The following TAB2 variants were observed in gnomAD, a reference collection of about 807,000 sequenced individuals.
TAB2 encodes the protein TGF-beta-activated kinase 1 and MAP3K7-binding protein 2.
Under a neutral mutation model 65.0 loss-of-function variants are expected in TAB2, and 3 were observed. The ratio of observed to expected loss-of-function variants is 0.05; its 90% CI spans 0.02 to 0.12. The LOEUF (loss-of-function observed/expected upper bound fraction) is 0.12. TAB2 is among the 10% of genes least tolerant of loss of function. The pLI is 1.00. For missense variants in TAB2, 623 were observed against 840.3 expected, an observed-to-expected ratio of 0.74 and a Z score of 3.20; for synonymous variants, 298 against 285.1, an observed-to-expected ratio of 1.05 and a Z score of -0.46.
At chr6:149,356,234 G>C (rs1780650191) in intron 1 of TAB2, among the ~76,000 whole-genome samples, 1 of 152,142 alleles carries the variant, frequency 6.6e-6, no homozygotes, top group Non-Finnish European at 1.5e-5. Context: ...AGAAAACTTA[G>C]TATGGCCTTA....
intron 1 of TAB2, among the ~76,000 whole-genome samples, chr6:149,293,967 T>A (rs1265610708): frequency 6.6e-6 from 1 of 152,060 alleles, no homozygotes; most frequent in African/African-American, 2.4e-5. Flanking sequence ...AAAGTTATTT[T>A]CCCTGAAAAA....
chr6:149,296,995 A>G (rs1279154812), intron 1 of TAB2, among the ~76,000 whole-genome samples: 1 of 152,162 alleles, frequency 6.6e-6, no homozygotes, highest in African/African-American at 2.4e-5. Flanking sequence ...AAATCTAGAT[A>G]TTCTTTACTT....
At chr6:149,227,500 C>T (rs764075499) in intron 1 of TAB2, among the ~76,000 whole-genome samples, 2 of 151,690 alleles carry the variant, frequency 1.3e-5, no homozygotes, top group African/African-American at 4.9e-5. Flanking sequence ...CAAATGCCCA[C>T]GATGCCAGGC....
chr6:149,322,880 A>G (rs1779499735), intron 1 of TAB2, among the ~76,000 whole-genome samples: 1 of 152,176 alleles, frequency 6.6e-6, no homozygotes, highest in Non-Finnish European at 1.5e-5. Context: ...TTGCAAAGAT[A>G]AAATAACTCA....
chr6:149,399,975 G>A (rs1782316044), intron 6 of TAB2, among the ~76,000 whole-genome samples: 1 of 152,212 alleles, frequency 6.6e-6, no homozygotes. Context: ...ACTTAAAATA[G>A]AAGAGTATAA....
intron 1 of TAB2, among the ~76,000 whole-genome samples, chr6:149,309,879 T>TGTGG (rs894623084): frequency 9.1e-6 from 1 of 109,988 alleles, no homozygotes; most frequent in Non-Finnish European, 1.8e-5. Flanking sequence ...TGTGTGTGGG[T>TGTGG]GTGGGTGTGT....
chr6:149,313,235 C>A (rs1447576647), upstream of TAB2, among the ~76,000 whole-genome samples: 1 of 151,974 alleles, frequency 6.6e-6, no homozygotes, highest in Admixed American at 6.6e-5. Flanking sequence ...GCAATCATGG[C>A]TCACTGCAGC....
chr6:149,264,077 C>A (rs1367815865), intron 1 of TAB2, among the ~76,000 whole-genome samples: 1 of 152,218 alleles, frequency 6.6e-6, no homozygotes, highest in Non-Finnish European at 1.5e-5. Flanking sequence ...AGGCAGGCCG[C>A]TGTAGGTTGT....
intron 1 of TAB2, among the ~76,000 whole-genome samples, chr6:149,367,399 C>T (rs928057473): frequency 2.0e-5 from 3 of 152,002 alleles, no homozygotes; most frequent in African/African-American, 7.3e-5. Flanking sequence ...TCCGATAGCC[C>T]TAAGGGAAGA....
At chr6:149,237,891 CT>C (rs1777530252) in intron 1 of TAB2, among the ~76,000 whole-genome samples, 1 of 152,216 alleles carries the variant, frequency 6.6e-6, no homozygotes, top group African/African-American at 2.4e-5. Flanking sequence ...AAAACATCCA[CT>C]TTTTCTTCAA....
chr6:149,247,777 A>T (rs1445762556), intron 1 of TAB2: 1 of 152,214 alleles, frequency 6.6e-6, no homozygotes, highest in Non-Finnish European at 1.5e-5. Context: ...GCATCCAGTC[A>T]TCCGGAGGCC....
chr6:149,333,938 CTG>C (rs374367433), intron 1 of TAB2, among the ~76,000 whole-genome samples: 10 of 152,104 alleles, frequency 6.6e-5, no homozygotes, highest in African/African-American at 1.9e-4. Context: ...GTAGGACAAA[CTG>C]TGTAGTTAAC....
chr6:149,316,744 A>C (rs987770912), upstream of TAB2, among the ~76,000 whole-genome samples: 2 of 152,182 alleles, frequency 1.3e-5, no homozygotes, highest in Non-Finnish European at 2.9e-5. Context: ...ACTTCTAGGA[A>C]CGTGCAATTA....
intron 1 of TAB2, among the ~76,000 whole-genome samples, chr6:149,268,553 C>T (rs1778304348): frequency 6.6e-6 from 1 of 152,164 alleles, no homozygotes; most frequent in African/African-American, 2.4e-5. Flanking sequence ...CTGTGAGATC[C>T]TTGCATTGGA....
intron 1 of TAB2, chr6:149,346,345 G>C (rs1234464506): frequency 5.9e-5 from 9 of 151,880 alleles, no homozygotes; most frequent in African/African-American, 2.2e-4. Flanking sequence ...TGAGGGCTAT[G>C]ACATTAGAAA....
chr6:149,232,888 C>A (rs562320510), intron 1 of TAB2, among the ~76,000 whole-genome samples: 32 of 152,290 alleles, frequency 2.1e-4, no homozygotes, highest in African/African-American at 7.0e-4. Flanking sequence ...GGAATGCTGT[C>A]GTACCCCTGG....
chr6:149,235,919 C>T (rs2114637337), intron 1 of TAB2, among the ~76,000 whole-genome samples: 1 of 152,284 alleles, frequency 6.6e-6, no homozygotes, highest in South Asian at 2.1e-4. Context: ...CAGGCTGGCT[C>T]TAGTGGAAAG....
intron 5 of TAB2, among the ~76,000 whole-genome samples, chr6:149,398,483 A>G (rs959748675): frequency 6.6e-6 from 1 of 152,198 alleles, no homozygotes; most frequent in African/African-American, 2.4e-5. Flanking sequence ...AATCTAACCA[A>G]AAGAGAAGTC....
chr6:149,382,763 A>G (rs1368156731), intron 3 of TAB2, among the ~76,000 whole-genome samples: 1 of 152,176 alleles, frequency 6.6e-6, no homozygotes, highest in African/African-American at 2.4e-5. Flanking sequence ...TGGGGGCCAC[A>G]TGTGCCTCAA....
Sources: allele counts gnomAD v4.1 joint callset (sites outside exome capture counted in the v4.1 genomes callset), GRCh38; gene constraint gnomAD v4.1.1; transcripts MANE v1.5; gene names NCBI Gene and HGNC (gene_info 2026-07-23, HGNC 2026-07-21).